The following MMP26 variants were observed in gnomAD, a reference collection of about 807,000 sequenced individuals.
MMP26 encodes matrix metallopeptidase 26.
Under a neutral mutation model 31.0 loss-of-function variants are expected in MMP26, and 33 were observed. That is an observed-to-expected ratio of 1.06 (90% CI 0.81 to 1.42). The LOEUF is 1.42. MMP26 is among the 40% of genes most tolerant of loss of function. The probability of loss-of-function intolerance (pLI) is 0.00; values close to 1 mark genes in which losing one functional copy is unlikely to be tolerated. For synonymous variants in MMP26, 122 were observed against 114.9 expected, an observed-to-expected ratio of 1.06 and a Z score of -0.40; for missense variants, 347 against 316.1, an observed-to-expected ratio of 1.10 and a Z score of -0.74.
In MMP26 at chr11:4,769,461, G is replaced by A. The variant is rs201937374; in HGVS notation, c.-145+2120G>A. On this transcript the variant is annotated intron_variant, in intron 2 of 7. Transcript: ENST00000380390. ...AGTGGCAATATTAGTACTATAGCACGTGTAATCATCAGAAGACCCATTTGA... is the reference window on the plus strand; with the variant it reads ...AGTGGCAATATTAGTACTATAGCACATGTAATCATCAGAAGACCCATTTGA... 98 of 1,612,666 alleles carry A rather than the reference G, an allele frequency of 6.1e-5. No individual in the cohort carries two copies. The highest frequency in any genetic ancestry group is 2.2e-4 in the Admixed American group (13 of 60,008).
chr11:4,880,183 C>G (rs1004978160), intron 2 of MMP26, among the ~76,000 whole-genome samples: 13 of 152,042 alleles, frequency 8.6e-5, no homozygotes, highest in African/African-American at 2.9e-4. Context: ...CCTGGGGACT[C>G]TACTAGGCTG....
At chr11:4,728,585 T>C (rs1222880264) in intron 1 of MMP26, among the ~76,000 whole-genome samples, 1 of 152,190 alleles carries the variant, frequency 6.6e-6, no homozygotes, top group African/African-American at 2.4e-5. Flanking sequence ...ATGGATGCTA[T>C]TTTAAAAAGG....
intron 2 of MMP26, among the ~76,000 whole-genome samples, chr11:4,979,249 G>A (rs769666065): frequency 1.1e-4 from 17 of 152,078 alleles, no homozygotes; most frequent in Middle Eastern, 6.3e-3. Flanking sequence ...GAGAATTTGC[G>A]AGCCCTTGCC....
chr11:4,746,842 C>T (rs867356480), intron 1 of MMP26, among the ~76,000 whole-genome samples: 1 of 141,688 alleles, frequency 7.1e-6, no homozygotes, highest in Non-Finnish European at 1.6e-5. Flanking sequence ...CACACACACA[C>T]ACACACACAC....
intron 2 of MMP26, among the ~76,000 whole-genome samples, chr11:4,799,213 A>G (rs948268020): frequency 2.6e-5 from 4 of 152,216 alleles, no homozygotes; most frequent in Admixed American, 2.0e-4. Flanking sequence ...TAATTTATAA[A>G]GAAAACAGAC....
chr11:4,989,580 C>G, intron 3 of MMP26, 68 bp from the exon 4 acceptor site: 1 of 1,300,596 alleles, frequency 7.7e-7, no homozygotes. Flanking sequence ...GAAGGCTATG[C>G]CCAGGGTAAC....
intron 2 of MMP26, among the ~76,000 whole-genome samples, chr11:4,801,191 C>A (rs540892187): frequency 9.8e-5 from 15 of 152,324 alleles, no homozygotes; most frequent in Non-Finnish European, 5.9e-5. Flanking sequence ...ACTCTTCTAA[C>A]CTCTGCCCAT....
chr11:4,839,621 C>A (rs1196658508), intron 2 of MMP26, among the ~76,000 whole-genome samples: 2 of 151,684 alleles, frequency 1.3e-5, no homozygotes, highest in Non-Finnish European at 2.9e-5. Flanking sequence ...AAGGGAAGGA[C>A]CTAGTCCTGG....
chr11:4,897,142 T>G (rs1264552152), intron 2 of MMP26, among the ~76,000 whole-genome samples: 1 of 151,686 alleles, frequency 6.6e-6, no homozygotes, highest in African/African-American at 2.4e-5. Flanking sequence ...ACACGCTGAT[T>G]TTTTGTTTAT....
chr11:4,788,302 T>C (rs1168910835), intron 2 of MMP26, among the ~76,000 whole-genome samples: 1 of 151,778 alleles, frequency 6.6e-6, no homozygotes, highest in African/African-American at 2.4e-5. Context: ...CCTCTGTGAA[T>C]CTCACTGAGA....
chr11:4,943,745 A>G (rs1846251622), intron 2 of MMP26: 1 of 366,268 alleles, frequency 2.7e-6, no homozygotes, highest in Admixed American at 3.4e-5. Flanking sequence ...TCCAAAAACT[A>G]CATTCTTCAT....
intron 1 of MMP26, among the ~76,000 whole-genome samples, chr11:4,759,111 C>CAAAAAAAAAAAAAA (rs989730402): frequency 4.6e-5 from 2 of 43,206 alleles, no homozygotes; most frequent in Admixed American, 4.9e-4. Flanking sequence ...CATTCCATCT[C>CAAAAAAAAAAAAAA]AAAAAAAAAA....
intron 2 of MMP26, among the ~76,000 whole-genome samples, chr11:4,926,474 G>A (rs1851275485): frequency 6.6e-6 from 1 of 152,100 alleles, no homozygotes; most frequent in Admixed American, 6.6e-5. Flanking sequence ...CAATAAAAGA[G>A]AAATTCAAGT....
intron 2 of MMP26, among the ~76,000 whole-genome samples, chr11:4,854,519 G>A (rs549209851): frequency 6.6e-5 from 10 of 152,322 alleles, no homozygotes; most frequent in Admixed American, 5.2e-4. Flanking sequence ...CAGGGGAGGG[G>A]CGTCTGACAT....
rs188448112 is a variant in MMP26 at position 4,771,874 on chromosome 11, C to T, written c.-145+4533C>T. Among the ~76,000 whole-genome samples, 53 of 152,300 alleles carry T rather than the reference C, an allele frequency of 3.5e-4. No individual in the cohort carries two copies. The East Asian group carries it at 9.4e-3, about 27-fold the overall frequency. On this transcript the variant is annotated intron_variant, in intron 2 of 7. Transcript: ENST00000380390. ...GATCGATGAGGACAGGGCAAACCCT[C>T]ATGATATCTGACTTTTCTATAAACC...
intron 2 of MMP26, chr11:4,848,284 T>C: frequency 6.2e-7 from 1 of 1,613,808 alleles, no homozygotes; most frequent in South Asian, 1.1e-5. Context: ...TTGAGTATTC[T>C]CTTTCTAATC....
At chr11:4,975,706 T>C (rs892348273) in intron 2 of MMP26, among the ~76,000 whole-genome samples, 2 of 152,032 alleles carry the variant, frequency 1.3e-5, no homozygotes, top group African/African-American at 4.8e-5. Flanking sequence ...ACCTTCTCTG[T>C]CACTGACTTC....
Position 4,866,027 on chromosome 11 carries a change from C to T in MMP26, c.-145+98686C>T, listed in dbSNP as rs761245988. ...AATATTAAATGTATGCTACACACAC[C>T]ACTCAAATCAATCAGTGAAAATGTT... On this transcript the variant is annotated intron_variant, in intron 2 of 7. Transcript: ENST00000380390. Among the ~76,000 whole-genome samples the T allele has an allele frequency of 6.3e-4, 95 of 151,970 alleles. 1 individual carries two copies. Among genetic ancestry groups the T allele is most frequent in the Admixed American group, 2.6e-4 (4 of 15,230 alleles).
chr11:4,848,243 A>C (rs1340231458), intron 2 of MMP26: 3 of 1,601,732 alleles, frequency 1.9e-6, no homozygotes, highest in Non-Finnish European at 1.7e-6. Flanking sequence ...CTACTCACTG[A>C]GCACCACCCA....
Sources: gnomAD v4.1 joint callset for allele counts (sites outside exome capture counted in the v4.1 genomes callset) on GRCh38, gnomAD v4.1.1 for gene constraint, MANE v1.5 for transcripts, NCBI Gene and HGNC (gene_info 2026-07-23, HGNC 2026-07-21) for gene names.